Variants in SLC30A6 observed in about 807,000 individuals in gnomAD.
SLC30A6 encodes solute carrier family 30 member 6, also known as zinc transporter 6.
A neutral mutation model predicts 63.0 loss-of-function variants in SLC30A6; 55 were observed. The ratio of observed to expected loss-of-function variants is 0.87; its 90% CI spans 0.70 to 1.09. The LOEUF (loss-of-function observed/expected upper bound fraction) is 1.09, where lower values mean the gene tolerates loss of function less well. SLC30A6 is among the 50% of genes least tolerant of loss of function. The pLI, the probability that SLC30A6 is intolerant of heterozygous loss-of-function variation, is 0.00. For synonymous variants in SLC30A6, 224 were observed against 186.1 expected, an observed-to-expected ratio of 1.20 and a Z score of -1.66; for missense variants, 587 against 549.2, an observed-to-expected ratio of 1.07 and a Z score of -0.69.
rs780410811 is a variant in SLC30A6 at position 32,209,474 on chromosome 2, C to G, written c.817-19C>G. On this transcript the variant is annotated intron_variant, in intron 12 of 13. Transcript: ENST00000282587. Reference sequence around the variant, plus strand: ...GTTAAGTACAGACAACTCTGATCACCTCTTTCTGTTTTTGGTAGGTATCTA... The same window carrying G: ...GTTAAGTACAGACAACTCTGATCACGTCTTTCTGTTTTTGGTAGGTATCTA... 1.3e-6 allele frequency: 2 copies of G among 1,595,042 alleles called. No homozygotes were observed. Among genetic ancestry groups the G allele is most frequent in the East Asian group, 2.2e-5 (1 of 44,602 alleles).
intron 5 of SLC30A6, among the ~76,000 whole-genome samples, chr2:32,187,682 C>G (rs530977967): frequency 6.6e-6 from 1 of 152,276 alleles, no homozygotes; most frequent in East Asian, 1.9e-4. Context: ...GTGTCTTAAA[C>G]TTAGGAAAAA....
chr2:32,171,559 G>T (rs557682513), intron 2 of SLC30A6, among the ~76,000 whole-genome samples, 186 bp downstream of exon 2: 4 of 152,148 alleles, frequency 2.6e-5, no homozygotes, highest in Admixed American at 2.6e-4. Flanking sequence ...GTTTTACTTT[G>T]GTAGGAAGCT....
chr2:32,198,906 A>G (rs1000703792), intron 10 of SLC30A6, among the ~76,000 whole-genome samples: 1 of 152,128 alleles, frequency 6.6e-6, no homozygotes, highest in Non-Finnish European at 1.5e-5. Context: ...GTGACATTGC[A>G]TGCAGCCATT....
chr2:32,209,830 T>C (rs937263690), intron 13 of SLC30A6, among the ~76,000 whole-genome samples: 24 of 152,256 alleles, frequency 1.6e-4, no homozygotes, highest in African/African-American at 5.8e-4. Context: ...TAGAGGAATG[T>C]TTTTATTTTT....
chr2:32,220,687 A>G lies in SLC30A6; in HGVS notation c.1360A>G (p.Asn454Asp), dbSNP rs1686091451. Reference protein sequence around the residue: ...TNIPSRYGTNNRIGQPRP With the variant: ...TNIPSRYGTNDRIGQPRP ...TATACCAAGTAGATATGGAACTAATAATAGAATTGGACAACCAAGACCATG... is the reference window on the plus strand; with the variant it reads ...TATACCAAGTAGATATGGAACTAATGATAGAATTGGACAACCAAGACCATG... Residue 454 changes from asparagine to aspartate, a missense_variant, in exon 14 of 14, where the codon AAT (asparagine) becomes GAT (aspartate). Coordinates refer to ENST00000282587, the MANE Select transcript of SLC30A6 (RefSeq NM_017964.5). The G allele has an allele frequency of 6.2e-7, 1 of 1,613,748 alleles. No individual in the cohort carries two copies. The highest frequency in any genetic ancestry group is 1.1e-5 in the South Asian group (1 of 91,048).
intron 4 of SLC30A6, among the ~76,000 whole-genome samples, chr2:32,182,046 A>C (rs1573282768): frequency 6.8e-6 from 1 of 146,748 alleles, no homozygotes; most frequent in Non-Finnish European, 1.5e-5. Context: ...CGATCCTCCT[A>C]CCCTAGCCTC....
intron 3 of SLC30A6, 89 bp downstream of exon 3, chr2:32,174,236 T>G: frequency 1.1e-6 from 1 of 908,206 alleles, no homozygotes; most frequent in East Asian, 2.7e-5. Flanking sequence ...TAGAATATAT[T>G]ATTCTGAAAT....
intron 2 of SLC30A6, among the ~76,000 whole-genome samples, chr2:32,173,825 C>T (rs1253488988): frequency 6.6e-6 from 1 of 152,148 alleles, no homozygotes; most frequent in Non-Finnish European, 1.5e-5. Context: ...TTGAGAATTT[C>T]TATGTCAGAA....
At chr2:32,173,991 T>C in intron 2 of SLC30A6, 72 bp from the exon 3 acceptor site, 1 of 1,136,566 alleles carries the variant, frequency 8.8e-7, no homozygotes, top group Non-Finnish European at 1.3e-6. Context: ...AGAGTATAAA[T>C]TGTAGCAACT....
At chr2:32,203,578 A>G in intron 10 of SLC30A6, 2 of 1,599,344 alleles carry the variant, frequency 1.3e-6, no homozygotes, top group Non-Finnish European at 1.7e-6. Flanking sequence ...GACTCTGGAA[A>G]GCCTAGAGGA....
At chr2:32,219,651 G>A (rs1685999099) in intron 13 of SLC30A6, among the ~76,000 whole-genome samples, 1 of 151,762 alleles carries the variant, frequency 6.6e-6, no homozygotes, top group African/African-American at 2.4e-5. Flanking sequence ...GGCCAGGCTG[G>A]TCTCGAACTC....
chr2:32,203,076 C>T, intron 10 of SLC30A6: 1 of 1,302,736 alleles, frequency 7.7e-7, no homozygotes, highest in Admixed American at 1.7e-5. Flanking sequence ...TGCACAGTCA[C>T]AAAGAGAATT....
chr2:32,166,241 G>C (rs1028082957), intron 1 of SLC30A6, among the ~76,000 whole-genome samples: 3 of 151,620 alleles, frequency 2.0e-5, no homozygotes, highest in African/African-American at 7.3e-5. Flanking sequence ...CAAAAGATCT[G>C]AAAACAAGTC....
chr2:32,211,963 T>A (rs527593641), intron 13 of SLC30A6, among the ~76,000 whole-genome samples: 29 of 152,316 alleles, frequency 1.9e-4, no homozygotes, highest in African/African-American at 6.0e-4. Flanking sequence ...AATAATTTTT[T>A]AAAACATCTA....
intron 2 of SLC30A6, among the ~76,000 whole-genome samples, chr2:32,173,375 C>CTT (rs1193864679): frequency 1.3e-4 from 19 of 141,306 alleles, no homozygotes; most frequent in African/African-American, 4.1e-4. Context: ...AAAGTCAGTA[C>CTT]TTTTTTTTTT....
At chr2:32,171,189 A>C in intron 1 of SLC30A6, 98 bp from the exon 2 acceptor site, 1 of 903,480 alleles carries the variant, frequency 1.1e-6, no homozygotes, top group Non-Finnish European at 1.7e-6. Context: ...CTTAATAAAT[A>C]TTGGTTATTT....
chr2:32,213,796 C>CTTTT lies in SLC30A6; in HGVS notation c.885+4246_885+4249dup, dbSNP rs767073182. Reference sequence around the variant, plus strand: ...CCTATATTAACAGGTCTAGGATAAACTTTTTTTTTTTTTTGTTTTTGTTTT... The same window carrying CTTTT: ...CCTATATTAACAGGTCTAGGATAAACTTTTTTTTTTTTTTTTTTGTTTTTGTTTT... On this transcript the variant is annotated intron_variant, in intron 13 of 13. Transcript: ENST00000282587. Among the ~76,000 whole-genome samples the CTTTT allele has an allele frequency of 4.2e-3, 446 of 106,716 alleles. 59 individuals carry two copies. Among genetic ancestry groups the CTTTT allele is most frequent in the African/African-American group, 5.5e-3 (139 of 25,360 alleles). 70.0% of individuals were successfully genotyped at this position (106,716 alleles called of 152,430 possible).
At chr2:32,171,617 G>A (rs756997292) in intron 2 of SLC30A6, among the ~76,000 whole-genome samples, 5 of 151,890 alleles carry the variant, frequency 3.3e-5, no homozygotes, top group Non-Finnish European at 7.4e-5. Flanking sequence ...AAGAAAAATG[G>A]TTTTGTGGTT....
chr2:32,175,463 T>C (rs28713298), intron 4 of SLC30A6, 102 bp downstream of exon 4: 77,701 of 930,840 alleles, frequency 0.083, 3,832 homozygotes, highest in Middle Eastern at 0.11. Context: ...ACTACTGATA[T>C]CTTACAAGAA....
Sources: gnomAD v4.1 joint callset for allele counts (sites outside exome capture counted in the v4.1 genomes callset) on GRCh38, gnomAD v4.1.1 for gene constraint, MANE v1.5 for transcripts, NCBI Gene and HGNC (gene_info 2026-07-23, HGNC 2026-07-21) for gene names.